The following TMC7 variants were observed in gnomAD, a reference collection of about 807,000 sequenced individuals.
TMC7 encodes the protein transmembrane channel like 7.
A neutral mutation model predicts 82.9 loss-of-function variants in TMC7; 54 were observed. The ratio of observed to expected loss-of-function variants is 0.65; its 90% CI spans 0.52 to 0.82. TMC7 has a LOEUF of 0.82. Ranked by LOEUF, TMC7 falls within the 40% of genes least tolerant of loss-of-function variation. TMC7 has a pLI of 0.00. For synonymous variants in TMC7, 350 were observed against 337.9 expected (o/e 1.04, Z -0.39); for missense variants, 820 against 901.2 (o/e 0.91, Z 1.15).
intron 11 of TMC7, 147 bp downstream of exon 11, chr16:19,045,585 A>G (rs1323516617): frequency 5.9e-6 from 3 of 510,760 alleles, no homozygotes; most frequent in Non-Finnish European, 1.0e-5. Flanking sequence ...GACAACTGGT[A>G]ACTTTCTTTT....
Position 19,037,903 on chromosome 16 carries a change from G to A in TMC7, c.1035G>A (p.Gln345=). 1 of 1,613,446 alleles carries A rather than the reference G, an allele frequency of 6.2e-7. No individual in the cohort carries two copies. The highest frequency in any genetic ancestry group is 8.5e-7 in the Non-Finnish European group (1 of 1,179,846). The change falls in exon 8 of 16, where the codon CAG becomes CAA. Residue 345 remains glutamine, a synonymous_variant. Transcript: ENST00000304381. ...ATCTGGAGGAAGAAAGAATGCGGCAGAAAATAGCAGAAAGGACCTCAGAAG... is the reference window on the plus strand; with the variant it reads ...ATCTGGAGGAAGAAAGAATGCGGCAAAAAATAGCAGAAAGGACCTCAGAAG... ...RADLEEERMR[Q]KIAERTSEET...
At chr16:19,030,728 G>A (rs1007594073) in intron 6 of TMC7, among the ~76,000 whole-genome samples, 3 of 151,838 alleles carry the variant, frequency 2.0e-5, no homozygotes, top group African/African-American at 7.3e-5. Context: ...ACAGGAACGT[G>A]CCACCATGCC....
intron 13 of TMC7, among the ~76,000 whole-genome samples, chr16:19,055,607 C>T (rs78261839): frequency 0.013 from 2,007 of 152,322 alleles, 53 homozygotes; most frequent in African/African-American, 0.046. Context: ...ATACACCCGC[C>T]TTGGCCTCCC....
chr16:19,012,016 C>A (rs1297377379), intron 2 of TMC7: 1 of 151,708 alleles, frequency 6.6e-6, no homozygotes, highest in Non-Finnish European at 1.5e-5. Context: ...GTGGTGCACT[C>A]CTGTAGTCTC....
chr16:19,030,471 C>A, intron 6 of TMC7, 102 bp downstream of exon 6: 1 of 1,357,082 alleles, frequency 7.4e-7, no homozygotes, highest in Non-Finnish European at 9.9e-7. Flanking sequence ...TGAGTGGAGT[C>A]CAATGATGGG....
rs1962052089 is a variant in TMC7 at position 19,062,560 on chromosome 16, A to T, written c.*717A>T. On this transcript the variant is annotated 3_prime_UTR_variant, in exon 16 of 16. Coordinates refer to ENST00000304381, the MANE Select transcript of TMC7 (RefSeq NM_024847.4). ...AGAATTGCTTGAACCCAGGAGGTGG[A>T]GTTTGCAGTGAGCTGAGATCACACC... 6.6e-6 allele frequency: 1 copy of T among 152,590 alleles called. No individual in the cohort carries two copies. Among genetic ancestry groups the T allele is most frequent in the African/African-American group, 2.4e-5 (1 of 41,442 alleles). 9.5% of individuals were successfully genotyped at this position (152,590 alleles called of 1,614,324 possible).
intron 1 of TMC7, 124 bp downstream of exon 1, chr16:18,984,254 C>T: frequency 7.5e-7 from 1 of 1,341,460 alleles, no homozygotes; most frequent in Non-Finnish European, 9.5e-7. Context: ...CGGGTGCTCC[C>T]GGCTCTGGGG....
chr16:19,010,568 A>AT (rs1959267303), intron 2 of TMC7, among the ~76,000 whole-genome samples: 1 of 152,172 alleles, frequency 6.6e-6, no homozygotes, highest in African/African-American at 2.4e-5. Flanking sequence ...CTAAAGCCTC[A>AT]TTTTTGTCTG....
chr16:19,032,817 T>TG (rs1257788097), intron 6 of TMC7, among the ~76,000 whole-genome samples: 2 of 152,056 alleles, frequency 1.3e-5, no homozygotes, highest in African/African-American at 4.8e-5. Context: ...TTAGTAGAGA[T>TG]GGGGTTTCAC....
At chr16:19,047,328 C>A in intron 12 of TMC7, 79 bp downstream of exon 12, 1 of 1,230,876 alleles carries the variant, frequency 8.1e-7, no homozygotes, top group Non-Finnish European at 1.1e-6. Context: ...CTGGAGCTCA[C>A]CTCACATCCC....
At chr16:19,058,992 C>T (rs1487482905) in intron 14 of TMC7, among the ~76,000 whole-genome samples, 1 of 152,212 alleles carries the variant, frequency 6.6e-6, no homozygotes, top group Non-Finnish European at 1.5e-5. Context: ...ATTCTCCTGT[C>T]TCAGCCTCCT....
intron 15 of TMC7, 146 bp downstream of exon 15, chr16:19,059,640 C>T (rs749387115): frequency 3.7e-5 from 58 of 1,561,732 alleles, no homozygotes; most frequent in African/African-American, 1.9e-4. Flanking sequence ...GAGGCCCAGC[C>T]GCGTCCAGCT....
intron 1 of TMC7, among the ~76,000 whole-genome samples, chr16:18,994,280 G>C (rs924904306): frequency 6.8e-6 from 1 of 147,324 alleles, no homozygotes; most frequent in Non-Finnish European, 1.5e-5. Context: ...GCCTCTAAAA[G>C]TATTAAAGCA....
chr16:19,043,847 C>T (rs1418065426), intron 9 of TMC7, among the ~76,000 whole-genome samples: 3 of 152,134 alleles, frequency 2.0e-5, no homozygotes, highest in Non-Finnish European at 2.9e-5. Context: ...GCTGGGATTA[C>T]AGGCGTGAGC....
intron 7 of TMC7, among the ~76,000 whole-genome samples, chr16:19,037,458 T>A: frequency 7.2e-6 from 1 of 139,754 alleles, no homozygotes; most frequent in East Asian, 2.2e-4. Flanking sequence ...GGGAGATGAA[T>A]ATTTAAAAGA....
At chr16:19,006,398 G>A (rs556577509) in intron 1 of TMC7, among the ~76,000 whole-genome samples, 1 of 152,232 alleles carries the variant, frequency 6.6e-6, no homozygotes, top group Non-Finnish European at 1.5e-5. Flanking sequence ...TGGTCAGGCT[G>A]GTCTTGGACT....
chr16:19,037,623 C>T (rs543793290), intron 7 of TMC7, among the ~76,000 whole-genome samples: 12 of 152,038 alleles, frequency 7.9e-5, no homozygotes, highest in African/African-American at 2.9e-4. Context: ...GCACTCATCA[C>T]CACACCCAGC....
At chr16:19,011,081 C>T (rs911837849) in intron 2 of TMC7, among the ~76,000 whole-genome samples, 2 of 152,068 alleles carry the variant, frequency 1.3e-5, no homozygotes, top group African/African-American at 2.4e-5. Context: ...ATTGAGTAAT[C>T]GGGAGTTTTG....
At chr16:19,033,809 A>C (rs1960622938) in intron 6 of TMC7, 1 of 152,238 alleles carries the variant, frequency 6.6e-6, no homozygotes, top group African/African-American at 2.4e-5. Context: ...ATCGAATTGA[A>C]AATCTCAGGT....
Sources: gnomAD v4.1 joint callset for allele counts (sites outside exome capture counted in the v4.1 genomes callset) on GRCh38, gnomAD v4.1.1 for gene constraint, MANE v1.5 for transcripts, NCBI Gene and HGNC (gene_info 2026-07-23, HGNC 2026-07-21) for gene names.